Variants in ZZEF1 observed in about 807,000 individuals in gnomAD.
The protein encoded by ZZEF1 is zinc finger ZZ-type and EF-hand domain containing 1.
In ZZEF1, 157 loss-of-function variants were observed where a neutral mutation model predicts 342.8. That is an observed-to-expected ratio of 0.46 (90% CI 0.40 to 0.52). The LOEUF (loss-of-function observed/expected upper bound fraction) is 0.52, where lower values mean the gene tolerates loss of function less well. Among genes scored for constraint, ZZEF1 ranks in the 20% least tolerant of loss-of-function variants. The pLI is 0.00. For synonymous variants in ZZEF1, 1,505 were observed against 1,429.1 expected, an observed-to-expected ratio of 1.05 and a Z score of -1.20; for missense variants, 3,480 against 3,725.6, an observed-to-expected ratio of 0.93 and a Z score of 1.72.
intron 42 of ZZEF1, 122 bp from the exon 43 acceptor site, chr17:4,025,240 G>A (rs1043312271): frequency 2.5e-5 from 24 of 971,562 alleles, no homozygotes; most frequent in Middle Eastern, 3.2e-4. Flanking sequence ...TAAATCTCTC[G>A]GGCTCAGTCT....
intron 18 of ZZEF1, 112 bp downstream of exon 18, chr17:4,081,264 A>G (rs2057717999): frequency 1.1e-6 from 1 of 893,982 alleles, no homozygotes; most frequent in Non-Finnish European, 1.8e-6. Flanking sequence ...AGAAAAAACC[A>G]CAACAAAGTA....
At chr17:4,026,984 C>T (rs932848373) in intron 42 of ZZEF1, among the ~76,000 whole-genome samples, 1 of 152,110 alleles carries the variant, frequency 6.6e-6, no homozygotes, top group South Asian at 2.1e-4. Context: ...ATGTTCAGCG[C>T]AGTTTTTCAC....
intron 39 of ZZEF1, among the ~76,000 whole-genome samples, chr17:4,039,116 CAA>C (rs1425351431): frequency 2.0e-5 from 3 of 151,676 alleles, no homozygotes; most frequent in Admixed American, 6.6e-5. Context: ...TCTCTCAGAA[CAA>C]GAGATAAACA....
At chr17:4,013,392 C>A in intron 52 of ZZEF1, 57 bp downstream of exon 52, 2 of 1,463,388 alleles carry the variant, frequency 1.4e-6, no homozygotes. Context: ...AAAGGGCCAG[C>A]CACAGAGTGG....
rs189833861 is a variant in ZZEF1, at chr17:4,093,798, T to C, written c.1913+2033A>G. Among the ~76,000 whole-genome samples the C allele has an allele frequency of 9.5e-3, 1,003 of 105,838 alleles. 14 individuals carry two copies. The highest frequency in any genetic ancestry group is 0.034 in the African/African-American group (950 of 28,314). 69.4% of individuals were successfully genotyped at this position (105,838 alleles called of 152,430 possible). ...GTTCAGGGTTTCAGCTCCTTGAGTA[T>C]TTTTTTTTCTTGTCTTAGCTTCTTC... On this transcript the variant is annotated intron_variant, in intron 11 of 54. Coordinates refer to ENST00000381638, the MANE Select transcript of ZZEF1 (RefSeq NM_015113.4).
chr17:4,123,171 C>T (rs1035911388), intron 2 of ZZEF1, among the ~76,000 whole-genome samples: 5 of 150,728 alleles, frequency 3.3e-5, no homozygotes, highest in African/African-American at 9.7e-5. Flanking sequence ...CCGCCCGCCT[C>T]GGCCTCCCAA....
At position 4,059,249 on chromosome 17, in the gene ZZEF1, T is replaced by C; in HGVS notation, c.4925A>G (p.Lys1642Arg). The change falls in exon 31 of 55, where the codon AAA becomes AGA. Residue 1642 changes from lysine (K) to arginine (R), a missense_variant. Coordinates refer to ENST00000381638, the MANE Select transcript of ZZEF1 (RefSeq NM_015113.4). ...HLEGCGADLHKEIRDTYYQLV... is the reference protein window; with the variant it reads ...HLEGCGADLHREIRDTYYQLV... Reference sequence around the variant, plus strand: ...TTGATAGTAAGTGTCTCGAATTTCTTTGTGTAGATCAGCACCACAGCCTTC... The same window carrying C: ...TTGATAGTAAGTGTCTCGAATTTCTCTGTGTAGATCAGCACCACAGCCTTC... 6.2e-7 allele frequency: 1 copy of C among 1,607,826 alleles called. No individual in the cohort carries two copies. The highest frequency in any genetic ancestry group is 8.5e-7 in the Non-Finnish European group (1 of 1,178,998).
chr17:4,127,999 A>G (rs978764129), intron 1 of ZZEF1, among the ~76,000 whole-genome samples: 1 of 152,164 alleles, frequency 6.6e-6, no homozygotes, highest in Non-Finnish European at 1.5e-5. Context: ...ATGAGTGGAC[A>G]GCCCAGGCCA....
intron 9 of ZZEF1, 53 bp from the exon 10 acceptor site, chr17:4,096,753 A>G: frequency 7.0e-7 from 1 of 1,418,584 alleles, no homozygotes; most frequent in East Asian, 2.3e-5. Context: ...TATAGCCCTA[A>G]GAACTAAGAT....
rs1453265017 is a variant in ZZEF1 at position 4,006,720 on chromosome 17, G to C, written c.*170C>G. 5 of 704,240 alleles carry C rather than the reference G, an allele frequency of 7.1e-6. No individual in the cohort carries two copies. 43.6% of individuals were successfully genotyped at this position (704,240 alleles called of 1,614,324 possible). A position where few individuals can be genotyped will look rare whatever the true frequency, so the allele number is the denominator to read the frequency against. ...ATGCTACAGCCTGTGCTTGTGTCCAGCCTACGCACGGGAGCTCTTGGAGAC... is the reference window on the plus strand; with the variant it reads ...ATGCTACAGCCTGTGCTTGTGTCCACCCTACGCACGGGAGCTCTTGGAGAC... On this transcript the variant is annotated 3_prime_UTR_variant, in exon 55 of 55. Transcript: ENST00000381638.
chr17:4,049,837 C>T lies in ZZEF1; in HGVS notation c.5886G>A (p.Leu1962=), dbSNP rs932853896. 3.7e-6 allele frequency: 6 copies of T among 1,614,066 alleles called. No individual in the cohort carries two copies. Among genetic ancestry groups the T allele is most frequent in the Non-Finnish European group, 5.1e-6 (6 of 1,180,044 alleles). ...QGKGLKALAL[L]GVLPDGDSSL... ...TCGAGTCCCCATCTGGCAATACACC[C>T]AGCAAAGCTAGAGCTTTAAGGCCTA... Residue 1962 remains leucine, a synonymous_variant, in exon 37 of 55, where the codon CTG becomes CTA. Coordinates refer to ENST00000381638, the MANE Select transcript of ZZEF1 (RefSeq NM_015113.4).
At position 4,102,254 on chromosome 17, in the gene ZZEF1, T is replaced by C; in HGVS notation, c.1672+63A>G. ...CTCAAACATTTCAAAGTCTGGAGTGTGCTTTCACACAGCTGACTCCTGTCT... is the reference window on the plus strand; with the variant it reads ...CTCAAACATTTCAAAGTCTGGAGTGCGCTTTCACACAGCTGACTCCTGTCT... On this transcript the variant is annotated intron_variant, in intron 9 of 54. Coordinates refer to ENST00000381638, the MANE Select transcript of ZZEF1 (RefSeq NM_015113.4). 9 of 1,432,418 alleles carry C rather than the reference T, an allele frequency of 6.3e-6. No individual in the cohort carries two copies. The South Asian group carries it at 1.0e-4, about 17-fold the overall frequency. 88.7% of individuals were successfully genotyped at this position (1,432,418 alleles called of 1,614,324 possible).
At chr17:4,073,742 G>C (rs1486364657) in intron 24 of ZZEF1, among the ~76,000 whole-genome samples, 1 of 152,034 alleles carries the variant, frequency 6.6e-6, no homozygotes, top group Admixed American at 6.6e-5. Context: ...GCTCAGCCCT[G>C]AATGAATCAC....
At chr17:4,059,041 G>A (rs2057228961) in intron 31 of ZZEF1, 130 bp downstream of exon 31, 2 of 708,482 alleles carry the variant, frequency 2.8e-6, no homozygotes, top group Non-Finnish European at 4.3e-6. Flanking sequence ...CTCTCTAGGT[G>A]GTAACATTAG....
intron 9 of ZZEF1, among the ~76,000 whole-genome samples, chr17:4,100,704 G>A (rs1054171106): frequency 1.3e-5 from 2 of 152,092 alleles, no homozygotes; most frequent in African/African-American, 2.4e-5. Flanking sequence ...GCGTGGTGGC[G>A]GGCGCCTGTA....
At chr17:4,030,800 C>A (rs918788959) in intron 42 of ZZEF1, among the ~76,000 whole-genome samples, 3 of 152,114 alleles carry the variant, frequency 2.0e-5, no homozygotes, top group African/African-American at 7.2e-5. Flanking sequence ...AAAACTTACA[C>A]AAAAAGACAA....
At chr17:4,070,598 A>G (rs891035275) in intron 26 of ZZEF1, 86 bp downstream of exon 26, 1 of 1,419,106 alleles carries the variant, frequency 7.0e-7, no homozygotes, top group African/African-American at 1.5e-5. Flanking sequence ...ATATTTTAAA[A>G]TATTTTAAAT....
chr17:4,129,284 T>C (rs893473538), intron 1 of ZZEF1, among the ~76,000 whole-genome samples: 9 of 151,796 alleles, frequency 5.9e-5, no homozygotes, highest in African/African-American at 1.9e-4. Flanking sequence ...TTGAAGGGAG[T>C]ATAAATTAGT....
At chr17:4,072,011 G>C (rs916424018) in intron 25 of ZZEF1, among the ~76,000 whole-genome samples, 6 of 152,122 alleles carry the variant, frequency 3.9e-5, no homozygotes, top group African/African-American at 1.4e-4. Flanking sequence ...TGTAAGAGAA[G>C]ACAGCGGACT....
Sources: allele counts gnomAD v4.1 joint callset (sites outside exome capture counted in the v4.1 genomes callset), GRCh38; gene constraint gnomAD v4.1.1; transcripts MANE v1.5; gene names NCBI Gene and HGNC (gene_info 2026-07-23, HGNC 2026-07-21).